KANSL1L: variants seen among roughly 807,000 people sequenced by gnomAD.
KANSL1L encodes the protein KAT8 regulatory NSL complex subunit 1-like protein.
Under a neutral mutation model 108.6 loss-of-function variants are expected in KANSL1L, and 25 were observed. That is an observed-to-expected ratio of 0.23 (90% CI 0.17 to 0.32). KANSL1L has a LOEUF of 0.32. Ranked by LOEUF, KANSL1L falls within the 10% of genes least tolerant of loss-of-function variation. The probability of loss-of-function intolerance (pLI) is 1.00; values close to 1 mark genes in which losing one functional copy is unlikely to be tolerated. For missense variants in KANSL1L, 1,137 were observed against 1,125.7 expected (o/e 1.01, Z -0.14); for synonymous variants, 405 against 395.1 (o/e 1.03, Z -0.30).
chr2:210,050,398 CAAATATAT>C (rs1377620484), intron 6 of KANSL1L, among the ~76,000 whole-genome samples: 4 of 152,050 alleles, frequency 2.6e-5, no homozygotes, highest in Admixed American at 2.6e-4. Flanking sequence ...AAGCCACACC[CAAATATAT>C]AACATCCACA....
intron 11 of KANSL1L, among the ~76,000 whole-genome samples, chr2:210,027,912 T>C (rs2093959348): frequency 6.6e-6 from 1 of 152,236 alleles, no homozygotes; most frequent in Non-Finnish European, 1.5e-5. Flanking sequence ...ATAACTCTTC[T>C]AGAATATTAT....
At chr2:210,163,481 C>T (rs953795070) in intron 1 of KANSL1L, among the ~76,000 whole-genome samples, 17 of 151,942 alleles carry the variant, frequency 1.1e-4, no homozygotes, top group Non-Finnish European at 1.5e-4. Context: ...ACAAAGATGG[C>T]AGGGGGTTTG....
At chr2:210,079,646 A>ATATATGTATGTG (rs1559539662) in intron 5 of KANSL1L, among the ~76,000 whole-genome samples, 255 of 13,088 alleles carry the variant, frequency 0.019, 20 homozygotes, top group East Asian at 0.083. Context: ...ATATATATAT[A>ATATATGTATGTG]TATATATATA....
At chr2:210,071,093 G>A (rs535964202) in intron 6 of KANSL1L, among the ~76,000 whole-genome samples, 7 of 151,954 alleles carry the variant, frequency 4.6e-5, no homozygotes, top group Non-Finnish European at 7.4e-5. Context: ...GGGAGGCGGA[G>A]GTTGCAGTGA....
intron 8 of KANSL1L, among the ~76,000 whole-genome samples, chr2:210,037,295 T>C (rs899478714): frequency 6.6e-6 from 1 of 152,206 alleles, no homozygotes; most frequent in Non-Finnish European, 1.5e-5. Flanking sequence ...CAATGTTCTT[T>C]AGCTATTTCC....
intron 1 of KANSL1L, among the ~76,000 whole-genome samples, chr2:210,157,009 A>G (rs1046366627): frequency 6.6e-6 from 1 of 151,772 alleles, no homozygotes; most frequent in African/African-American, 2.4e-5. Flanking sequence ...GAAAAAAAAG[A>G]TGGTTTTTTT....
intron 6 of KANSL1L, among the ~76,000 whole-genome samples, chr2:210,050,266 T>C (rs1044394480): frequency 3.3e-5 from 5 of 151,856 alleles, no homozygotes; most frequent in African/African-American, 9.7e-5. Context: ...ACAAAAAACA[T>C]GGGAGAAATA....
At chr2:210,157,492 C>T (rs896868675) in intron 1 of KANSL1L, among the ~76,000 whole-genome samples, 14 of 151,686 alleles carry the variant, frequency 9.2e-5, no homozygotes, top group African/African-American at 2.9e-4. Context: ...CCCTGGAGTT[C>T]GAGACCAGCC....
chr2:210,044,126 G>T lies in KANSL1L; in HGVS notation c.1756-22C>A. On this transcript the variant is annotated intron_variant, in intron 6 of 14. Transcript: ENST00000281772. This position sits in a 1 kb window ranked among gnomAD's most constrained non-coding sequence, Gnocchi z 4.2. Reference sequence around the variant, plus strand: ...AAGTCTGCAAGGAAAAACCGTATTAGAATATCACAGCCAAAGCATCCATAA... The same window carrying T: ...AAGTCTGCAAGGAAAAACCGTATTATAATATCACAGCCAAAGCATCCATAA... 1 of 1,529,334 alleles carries T rather than the reference G, an allele frequency of 6.5e-7. No individual in the cohort carries two copies. Among genetic ancestry groups the T allele is most frequent in the Non-Finnish European group, 8.8e-7 (1 of 1,133,824 alleles). 94.7% of individuals were successfully genotyped at this position (1,529,334 alleles called of 1,614,324 possible). A position where few individuals can be genotyped will look rare whatever the true frequency, so the allele number is the denominator to read the frequency against.
rs149597238 is a variant in KANSL1L, at chr2:210,027,626, C to T, written c.2397-276G>A. Among the ~76,000 whole-genome samples the T allele has an allele frequency of 1.2e-3, 188 of 152,194 alleles. 1 individual carries two copies. The highest frequency in any genetic ancestry group is 4.2e-3 in the African/African-American group (176 of 41,526). ...TATGTACTGACTGAAGTCAGTGGTACGCTGATAAACTGGCCTGGCCAAAAA... is the reference window on the plus strand; with the variant it reads ...TATGTACTGACTGAAGTCAGTGGTATGCTGATAAACTGGCCTGGCCAAAAA... On this transcript the variant is annotated intron_variant, in intron 11 of 14. Coordinates refer to ENST00000281772, the MANE Select transcript of KANSL1L (RefSeq NM_152519.4).
intron 6 of KANSL1L, 86 bp downstream of exon 6, chr2:210,075,466 G>A (rs1452176521): frequency 2.3e-6 from 2 of 853,820 alleles, no homozygotes; most frequent in Admixed American, 4.7e-5. Context: ...TAAGTGTTAT[G>A]CTAAATAACA....
chr2:210,131,569 CAAGTT>C (rs1242957853), intron 2 of KANSL1L, among the ~76,000 whole-genome samples: 1 of 151,944 alleles, frequency 6.6e-6, no homozygotes, highest in African/African-American at 2.4e-5. Context: ...TTCTGATACT[CAAGTT>C]AGGATTACAA....
intron 1 of KANSL1L, among the ~76,000 whole-genome samples, chr2:210,162,238 A>ATATATATG (rs2125675599): frequency 7.0e-6 from 1 of 143,756 alleles, no homozygotes; most frequent in East Asian, 2.0e-4. Context: ...ATATATATAT[A>ATATATATG]TATATGTATA....
At chr2:210,169,824 T>C (rs1688223990) in intron 1 of KANSL1L, among the ~76,000 whole-genome samples, 1 of 152,246 alleles carries the variant, frequency 6.6e-6, no homozygotes, top group African/African-American at 2.4e-5. Flanking sequence ...GATTAATTCA[T>C]TGTTTATATT....
At chr2:210,058,218 G>A (rs1288384438) in intron 6 of KANSL1L, among the ~76,000 whole-genome samples, 2 of 152,150 alleles carry the variant, frequency 1.3e-5, no homozygotes, top group South Asian at 2.1e-4. Flanking sequence ...TGACTTTTAT[G>A]GTCGAAGCTG....
chr2:210,092,730 C>G (rs1380302800), intron 5 of KANSL1L, among the ~76,000 whole-genome samples: 1 of 152,092 alleles, frequency 6.6e-6, no homozygotes, highest in Admixed American at 6.6e-5. Flanking sequence ...TTAATCCCTG[C>G]CCTTGGCAAA....
intron 5 of KANSL1L, among the ~76,000 whole-genome samples, chr2:210,094,096 C>A (rs914395463): frequency 1.3e-5 from 2 of 151,870 alleles, no homozygotes; most frequent in African/African-American, 4.8e-5. Flanking sequence ...TATAGAGTTT[C>A]AGTTTGAGAA....
intron 3 of KANSL1L, among the ~76,000 whole-genome samples, chr2:210,106,954 C>T (rs967659952): frequency 6.6e-6 from 1 of 151,970 alleles, no homozygotes; most frequent in Admixed American, 6.6e-5. Flanking sequence ...TCTGGGGACA[C>T]AGCAGAGAGT....
chr2:210,072,629 T>C lies in KANSL1L; in HGVS notation c.1755+2923A>G, dbSNP rs150308968. Among the ~76,000 whole-genome samples the C allele has an allele frequency of 1.9e-3, 285 of 152,130 alleles. 2 individuals carry two copies. The highest frequency in any genetic ancestry group is 6.6e-3 in the African/African-American group (275 of 41,496). On this transcript the variant is annotated intron_variant, in intron 6 of 14. Transcript: ENST00000281772. ...GAGCACACAACCTACATACCTCAGA[T>C]GCACAGTTCACAATAGGGTTTGAGT...
Sources: allele counts gnomAD v4.1 joint callset (sites outside exome capture counted in the v4.1 genomes callset), GRCh38; gene constraint gnomAD v4.1.1; non-coding constraint Gnocchi (gnomAD v3.1); transcripts MANE v1.5; gene names NCBI Gene and HGNC (gene_info 2026-07-23, HGNC 2026-07-21).